Variants in IL4R observed in about 807,000 individuals in gnomAD.
IL4R encodes interleukin-4 receptor subunit alpha.
A neutral mutation model predicts 41.5 loss-of-function variants in IL4R; 17 were observed. That is an observed-to-expected ratio of 0.41 (90% CI 0.28 to 0.61). The LOEUF (loss-of-function observed/expected upper bound fraction) is 0.61. Ranked by LOEUF, IL4R falls within the 20% of genes least tolerant of loss-of-function variation. The pLI is 0.31. For missense variants in IL4R, 974 were observed against 1,043.1 expected (o/e 0.93, Z 0.91); for synonymous variants, 402 against 422.9 (o/e 0.95, Z 0.61).
In IL4R at chr16:27,329,176, G is replaced by A. The variant is rs1315315088; in HGVS notation, c.-151-890G>A. Among the ~76,000 whole-genome samples the A allele has an allele frequency of 1.9e-4, 29 of 152,028 alleles. 6 individuals carry two copies. The highest frequency in any genetic ancestry group is 6.6e-5 in the Admixed American group (1 of 15,248). Reference sequence around the variant, plus strand: ...GCCCTGGCTGTCACCATGTACGCCTGCTCCCCTCTTGCCTTCCCCGTGAAT... The same window carrying A: ...GCCCTGGCTGTCACCATGTACGCCTACTCCCCTCTTGCCTTCCCCGTGAAT... On this transcript the variant is annotated intron_variant, in intron 1 of 10. Transcript: ENST00000395762.
rs745823348 is a variant in IL4R at position 27,340,319 on chromosome 16, G to T, written c.70+46G>T. The T allele has an allele frequency of 8.2e-6, 12 of 1,466,856 alleles. 1 individual carries two copies. The Middle Eastern group carries it at 1.9e-3, about 234-fold the overall frequency. The allele number at this position is 1,466,856 out of a possible 1,614,324, so 90.9% of individuals were successfully genotyped here. On this transcript the variant is annotated intron_variant, in intron 3 of 10. Transcript: ENST00000395762. Reference sequence around the variant, plus strand: ...CATTCATTTGTTGGCTATTAATGGCGTGCCAGGGTCCTGCAGTATGTCACC... The same window carrying T: ...CATTCATTTGTTGGCTATTAATGGCTTGCCAGGGTCCTGCAGTATGTCACC...
Position 27,352,600 on chromosome 16 carries a change from A to C in IL4R, c.574A>C (p.Lys192Gln), listed in dbSNP as rs202185165. 2.0e-5 allele frequency: 33 copies of C among 1,613,984 alleles called. No individual in the cohort carries two copies. Among genetic ancestry groups the C allele is most frequent in the Middle Eastern group, 3.3e-4 (2 of 6,082 alleles). ...CCTCCGCATCGCAGCCAGCACCCTG[A>C]AGTCTGGGATTTCCTACAGGGCACG... ...PSLRIAASTL[K>Q]SGISYRARVR... Residue 192 changes from lysine to glutamine, a missense_variant, in exon 7 of 11, where the codon AAG becomes CAG. This residue lies in a region of IL4R where 284 missense variants were observed against 313.4 expected (regional missense o/e 0.91). Coordinates refer to ENST00000395762, the MANE Select transcript of IL4R (RefSeq NM_000418.4).
At chr16:27,361,909 C>T (rs545136455) in intron 10 of IL4R, among the ~76,000 whole-genome samples, 264 of 152,240 alleles carry the variant, frequency 1.7e-3, no homozygotes, top group African/African-American at 6.0e-3. Flanking sequence ...CGTGAGCCAC[C>T]GCACCCGGCT....
At chr16:27,328,519 G>T (rs934009449) in intron 1 of IL4R, among the ~76,000 whole-genome samples, 1 of 152,094 alleles carries the variant, frequency 6.6e-6, no homozygotes, top group South Asian at 2.1e-4. Context: ...GATTACAGGC[G>T]TGAGCCACTG....
chr16:27,331,711 C>T (rs938191770), intron 2 of IL4R, among the ~76,000 whole-genome samples: 1 of 152,112 alleles, frequency 6.6e-6, no homozygotes, highest in African/African-American at 2.4e-5. Flanking sequence ...TTCAAGTCAA[C>T]TGTGTCCTTA....
chr16:27,361,610 CTTTTTTT>C (rs34798776), intron 10 of IL4R, among the ~76,000 whole-genome samples: 2 of 111,770 alleles, frequency 1.8e-5, no homozygotes, highest in South Asian at 3.2e-4. Context: ...GATCCCGCAT[CTTTTTTT>C]TTTTTTTTTT....
In IL4R at chr16:27,338,239, CT is replaced by C. The variant is rs200924244; in HGVS notation, c.-18-1937del. On this transcript the variant is annotated intron_variant, in intron 2 of 10. Coordinates refer to ENST00000395762, the MANE Select transcript of IL4R (RefSeq NM_000418.4). ...CAAACTTTCTGTTTTCTTTTCTTTT[CT>C]TTTTTTTTTATGACAGGGTCTTGCT... Among the ~76,000 whole-genome samples, 343 of 147,752 alleles carry C rather than the reference CT, an allele frequency of 2.3e-3. 2 individuals carry two copies. Among genetic ancestry groups the C allele is most frequent in the African/African-American group, 7.8e-3 (315 of 40,538 alleles).
chr16:27,362,924 G>A lies in IL4R; in HGVS notation c.1572G>A (p.Glu524=), dbSNP rs2086354734. The stretch of plus-strand genomic sequence containing the variant: ...ACCCACTGCTGGCCAGACACCTGGA[G>A]GAAGTAGAACCCGAGATGCCCTGTG... The part of the protein sequence containing the change: ...GPDPLLARHL[E]EVEPEMPCVP... The change falls in exon 11 of 11, where the codon GAG becomes GAA. Residue 524 remains glutamate, a synonymous_variant. Coordinates refer to ENST00000395762, the MANE Select transcript of IL4R (RefSeq NM_000418.4). The A allele has an allele frequency of 1.2e-6, 2 of 1,614,184 alleles. No homozygotes were observed. Among genetic ancestry groups the A allele is most frequent in the South Asian group, 2.2e-5 (2 of 91,092 alleles).
At chr16:27,357,713 C>T (rs1329818273) in intron 8 of IL4R, among the ~76,000 whole-genome samples, 1 of 152,110 alleles carries the variant, frequency 6.6e-6, no homozygotes, top group Non-Finnish European at 1.5e-5. Context: ...ATCCACCCAC[C>T]TCGTTCTCCC....
intron 1 of IL4R, among the ~76,000 whole-genome samples, chr16:27,322,521 G>A (rs182525945): frequency 4.6e-5 from 7 of 152,138 alleles, no homozygotes; most frequent in African/African-American, 1.4e-4. Context: ...TTCCAGCCTG[G>A]GCAGCATAGT....
intron 2 of IL4R, among the ~76,000 whole-genome samples, chr16:27,335,592 C>T (rs2085240399): frequency 1.3e-5 from 2 of 152,126 alleles, no homozygotes; most frequent in African/African-American, 4.8e-5. Flanking sequence ...CCAAGGGTTA[C>T]AAGTGGATAC....
intron 2 of IL4R, among the ~76,000 whole-genome samples, chr16:27,333,978 G>T (rs931622349): frequency 6.6e-6 from 1 of 151,948 alleles, no homozygotes; most frequent in Non-Finnish European, 1.5e-5. Flanking sequence ...CGCCTCCCGG[G>T]TTCAAGCCAT....
chr16:27,361,163 G>A, intron 10 of IL4R: 1 of 576,002 alleles, frequency 1.7e-6, no homozygotes, highest in Non-Finnish European at 2.5e-6. Flanking sequence ...TTAATATACA[G>A]GATCTCACTC....
rs146682837 is a variant in IL4R, at chr16:27,362,903, A to C, written c.1551A>C (p.Pro517=). ...SPCPRELGPD[P]LLARHLEEVE... Reference sequence around the variant, plus strand: ...GTCCCAGAGAGCTGGGTCCAGACCCACTGCTGGCCAGACACCTGGAGGAAG... The same window carrying C: ...GTCCCAGAGAGCTGGGTCCAGACCCCCTGCTGGCCAGACACCTGGAGGAAG... The change falls in exon 11 of 11, where the codon CCA becomes CCC. Residue 517 remains proline, a synonymous_variant. Transcript: ENST00000395762. The C allele has an allele frequency of 1.2e-6, 2 of 1,613,956 alleles. No homozygotes were observed. The highest frequency in any genetic ancestry group is 1.7e-6 in the Non-Finnish European group (2 of 1,180,010).
At chr16:27,358,471 C>T (rs1043702053) in intron 8 of IL4R, among the ~76,000 whole-genome samples, 1 of 152,238 alleles carries the variant, frequency 6.6e-6, no homozygotes, top group African/African-American at 2.4e-5. Flanking sequence ...CGTAGGTCCC[C>T]CAGCTTCCCA....
intron 1 of IL4R, among the ~76,000 whole-genome samples, chr16:27,317,146 C>G (rs1187635040): frequency 2.0e-5 from 3 of 152,158 alleles, no homozygotes; most frequent in African/African-American, 7.2e-5. Context: ...TCAAGCAGTC[C>G]TCCTGCCTCA....
chr16:27,320,158 C>A (rs1476128347), intron 1 of IL4R, among the ~76,000 whole-genome samples: 1 of 152,178 alleles, frequency 6.6e-6, no homozygotes, highest in African/African-American at 2.4e-5. Flanking sequence ...TGAGCCACTG[C>A]ACGCGGCCCT....
rs117188686 is a variant in IL4R, at chr16:27,325,241, T to C, written c.-151-4825T>C. On this transcript the variant is annotated intron_variant, in intron 1 of 10. Coordinates refer to ENST00000395762, the MANE Select transcript of IL4R (RefSeq NM_000418.4). The stretch of plus-strand genomic sequence containing the variant: ...TCCTGCCTGCCTATTCGCTGGGTCT[T>C]CCCTCATTCCCTCCCTCACCCCGCC... Among the ~76,000 whole-genome samples the C allele has an allele frequency of 7.9e-5, 12 of 152,126 alleles. No homozygotes were observed. In the East Asian group the frequency reaches 2.3e-3, roughly 29 times the overall value.
At chr16:27,362,183 G>T in intron 10 of IL4R, 69 bp from the exon 11 acceptor site, 1 of 1,499,532 alleles carries the variant, frequency 6.7e-7, no homozygotes, top group East Asian at 2.3e-5. Flanking sequence ...TTTCAGGCTG[G>T]GCTTTGAAGA....
Sources: allele counts gnomAD v4.1 joint callset (sites outside exome capture counted in the v4.1 genomes callset), GRCh38; gene constraint gnomAD v4.1.1; regional missense constraint gnomAD v4.1.1; transcripts MANE v1.5; gene names NCBI Gene and HGNC (gene_info 2026-07-23, HGNC 2026-07-21).